The following EPHA7 variants were observed in gnomAD, a reference collection of about 807,000 sequenced individuals.
The protein encoded by EPHA7 is EPH receptor A7.
A neutral mutation model predicts 112.6 loss-of-function variants in EPHA7; 25 were observed. That is an observed-to-expected ratio of 0.22 (90% CI 0.16 to 0.31). EPHA7 has a LOEUF of 0.31. Among genes scored for constraint, EPHA7 ranks in the 10% least tolerant of loss-of-function variants. The pLI is 1.00. For synonymous variants in EPHA7, 437 were observed against 406.5 expected (o/e 1.07, Z -0.90); for missense variants, 962 against 1,212.6 (o/e 0.79, Z 3.07).
chr6:93,258,364 TTTTC>T, intron 10 of EPHA7, 80 bp from the exon 11 acceptor site: 1 of 1,325,202 alleles, frequency 7.5e-7, no homozygotes, highest in Non-Finnish European at 1.0e-6. Flanking sequence ...GTTGAATTAT[TTTTC>T]TTTAACTTTT....
intron 5 of EPHA7, among the ~76,000 whole-genome samples, chr6:93,311,881 A>C (rs954567871): frequency 6.6e-6 from 1 of 152,200 alleles, no homozygotes; most frequent in African/African-American, 2.4e-5. Context: ...CATGACAATA[A>C]TATTAATCTC....
In EPHA7 at chr6:93,240,305, T is replaced by C. The variant is rs754849836; in HGVS notation, c.*3121A>G. The C allele has an allele frequency of 4.4e-6, 1 of 226,964 alleles. No homozygotes were observed. Among genetic ancestry groups the C allele is most frequent in the Non-Finnish European group, 8.8e-6 (1 of 114,182 alleles). The allele number at this position is 226,964 out of a possible 1,614,324, so 14.1% of individuals were successfully genotyped here. ...TGAACATGCACATCAGTGAGTAGCA[T>C]AGTTCTAGGCTACTCAAGAAACAAA... On this transcript the variant is annotated 3_prime_UTR_variant, in exon 17 of 17. Transcript: ENST00000369303.
chr6:93,259,523 T>G, intron 9 of EPHA7, 44 bp from the exon 10 acceptor site: 1 of 1,605,442 alleles, frequency 6.2e-7, no homozygotes, highest in Non-Finnish European at 8.5e-7. Flanking sequence ...AGCAAAGCAC[T>G]TATTGTGCAG....
intron 1 of EPHA7, 113 bp from the exon 2 acceptor site, chr6:93,414,880 A>G (rs1779150144): frequency 1.3e-6 from 1 of 790,354 alleles, no homozygotes. Flanking sequence ...TAAGATCTGT[A>G]GTTATTTATG....
At chr6:93,335,171 C>T (rs1168823896) in intron 5 of EPHA7, among the ~76,000 whole-genome samples, 1 of 152,022 alleles carries the variant, frequency 6.6e-6, no homozygotes, top group East Asian at 1.9e-4. Context: ...TGTTAACAGA[C>T]CAGAATGTAT....
At chr6:93,249,616 C>G (rs1343610481) in intron 14 of EPHA7, among the ~76,000 whole-genome samples, 1 of 152,102 alleles carries the variant, frequency 6.6e-6, no homozygotes, top group Non-Finnish European at 1.5e-5. Context: ...TGACTGCATT[C>G]TAATGCTCAT....
In EPHA7 at chr6:93,255,940, C is replaced by G; in HGVS notation, c.2270G>C (p.Arg757Thr). 6.2e-7 allele frequency: 1 copy of G among 1,614,096 alleles called. No homozygotes were observed. Among genetic ancestry groups the G allele is most frequent in the Non-Finnish European group, 8.5e-7 (1 of 1,179,998 alleles). Residue 757 changes from arginine to threonine, a missense_variant, in exon 13 of 17, where the codon AGG becomes ACG. Around this residue, in one of 3 missense-constraint regions of EPHA7, gnomAD observed 746 missense variants for 889.2 expected, o/e 0.84. Transcript: ENST00000369303. Reference sequence around the variant, plus strand: ...AAGAATATTGCGAGCTGCAAGGTCCCTGTGAACATATCCCATATCAGCCAA... The same window carrying G: ...AAGAATATTGCGAGCTGCAAGGTCCGTGTGAACATATCCCATATCAGCCAA... ...RYLADMGYVH[R>T]DLAARNILVN...
chr6:93,306,953 C>T (rs1306863308), intron 5 of EPHA7, among the ~76,000 whole-genome samples: 1 of 151,746 alleles, frequency 6.6e-6, no homozygotes, highest in Admixed American at 6.6e-5. Context: ...TTAATTTTAA[C>T]AGAAAATATC....
chr6:93,325,828 A>G (rs1482757328), intron 5 of EPHA7, among the ~76,000 whole-genome samples: 1 of 151,404 alleles, frequency 6.6e-6, no homozygotes, highest in Non-Finnish European at 1.5e-5. Flanking sequence ...GAAAATTTCA[A>G]TAAAGAAAAC....
chr6:93,392,095 C>G (rs1464976844), intron 3 of EPHA7, among the ~76,000 whole-genome samples: 1 of 151,904 alleles, frequency 6.6e-6, no homozygotes, highest in Non-Finnish European at 1.5e-5. Flanking sequence ...TTTTTACACC[C>G]AATTCCTTCC....
chr6:93,381,507 C>T (rs981681057), intron 3 of EPHA7, among the ~76,000 whole-genome samples: 2 of 151,952 alleles, frequency 1.3e-5, no homozygotes, highest in African/African-American at 2.4e-5. Flanking sequence ...ATTCTATAGA[C>T]CAAATAAGCT....
intron 1 of EPHA7, among the ~76,000 whole-genome samples, chr6:93,417,188 C>A (rs1779279645): frequency 6.6e-6 from 1 of 152,190 alleles, no homozygotes; most frequent in Non-Finnish European, 1.5e-5. Flanking sequence ...AGAGAACGTG[C>A]ACAAGGAAAG....
chr6:93,243,354 TC>T lies in EPHA7; in HGVS notation c.*71del. On this transcript the variant is annotated 3_prime_UTR_variant, in exon 17 of 17. Transcript: ENST00000369303. Reference sequence around the variant, plus strand: ...GACATCACTTGTCTTCTAGCAGCATTCTATGCATATACTGAAGGCCAGTACT... The same window carrying T: ...GACATCACTTGTCTTCTAGCAGCATTTATGCATATACTGAAGGCCAGTACT... 1 of 1,126,918 alleles carries T rather than the reference TC, an allele frequency of 8.9e-7. No individual in the cohort carries two copies. 69.8% of individuals were successfully genotyped at this position (1,126,918 alleles called of 1,614,324 possible).
intron 9 of EPHA7, among the ~76,000 whole-genome samples, chr6:93,261,443 T>C (rs1475398905): frequency 1.3e-5 from 2 of 151,554 alleles, no homozygotes; most frequent in Admixed American, 1.3e-4. Flanking sequence ...ATACTTTCTA[T>C]ATTAAGTAAT....
At chr6:93,341,350 A>G (rs956898499) in intron 5 of EPHA7, among the ~76,000 whole-genome samples, 3 of 151,574 alleles carry the variant, frequency 2.0e-5, no homozygotes, top group African/African-American at 7.3e-5. Flanking sequence ...AAATAAGACT[A>G]CAACAGAAGG....
In EPHA7 at chr6:93,264,713, AG is replaced by A. The variant is rs1291177062; in HGVS notation, c.1634-12del. The A allele has an allele frequency of 1.3e-6, 2 of 1,547,292 alleles. No individual in the cohort carries two copies. The highest frequency in any genetic ancestry group is 4.6e-5 in the East Asian group (2 of 43,350). On this transcript the variant is annotated splice_polypyrimidine_tract_variant and intron_variant, in intron 7 of 16. Coordinates refer to ENST00000369303, the MANE Select transcript of EPHA7 (RefSeq NM_004440.4). ...TGGAGACAGCTGTAGCTGTAAACAG[AG>A]GAAATAGGCTCAGAAATACTTGACA... is the stretch of plus-strand genomic sequence containing the variant.
In EPHA7 at chr6:93,387,944, T is replaced by C. The variant is rs1010469367; in HGVS notation, c.832+22557A>G. 5.6e-4 allele frequency among the ~76,000 whole-genome samples: 85 copies of C among 151,590 alleles called. 4 individuals carry two copies. Among genetic ancestry groups the C allele is most frequent in the Admixed American group, 3.6e-3 (54 of 15,192 alleles). On this transcript the variant is annotated intron_variant, in intron 3 of 16. Transcript: ENST00000369303. The stretch of plus-strand genomic sequence containing the variant: ...ATAGACAGATAGATAGATAGATAGA[T>C]AGATAGATAGATAGATAGATAGATA...
chr6:93,414,602 A>G, intron 2 of EPHA7, 101 bp downstream of exon 2: 1 of 851,050 alleles, frequency 1.2e-6, no homozygotes, highest in South Asian at 1.5e-5. Flanking sequence ...TTGGAATTAA[A>G]CAGTTTATAC....
intron 5 of EPHA7, among the ~76,000 whole-genome samples, chr6:93,297,826 C>T (rs114885660): frequency 0.011 from 1,606 of 152,188 alleles, 22 homozygotes; most frequent in African/African-American, 0.037. Context: ...GCTTTTCAAG[C>T]CACTGAAGTT....
Sources: gnomAD v4.1 joint callset for allele counts (sites outside exome capture counted in the v4.1 genomes callset) on GRCh38, gnomAD v4.1.1 for gene constraint, gnomAD v4.1.1 regional missense constraint, MANE v1.5 for transcripts, NCBI Gene and HGNC (gene_info 2026-07-23, HGNC 2026-07-21) for gene names.